NPAS2: variants seen among roughly 807,000 people sequenced by gnomAD.
The protein encoded by NPAS2 is neuronal PAS domain-containing protein 2.
In NPAS2, 23 loss-of-function variants were observed where a neutral mutation model predicts 107.5. The ratio of observed to expected loss-of-function variants is 0.21; its 90% confidence interval spans 0.15 to 0.30. The LOEUF (loss-of-function observed/expected upper bound fraction) is 0.30, where lower values mean the gene tolerates loss of function less well. Ranked by LOEUF, NPAS2 falls within the 10% of genes least tolerant of loss-of-function variation. The pLI is 1.00. For missense variants in NPAS2, 756 were observed against 1,043.3 expected (o/e 0.72, Z 3.79); for synonymous variants, 403 against 417.5 (o/e 0.97, Z 0.42).
At chr2:100,892,605 T>A (rs183469873) in intron 1 of NPAS2, among the ~76,000 whole-genome samples, 1 of 152,306 alleles carries the variant, frequency 6.6e-6, no homozygotes, top group African/African-American at 2.4e-5. Context: ...CGTTTCCAGG[T>A]CAGAGAATGT....
At chr2:100,977,460 G>T (rs945884386) in intron 14 of NPAS2, among the ~76,000 whole-genome samples, 1 of 152,228 alleles carries the variant, frequency 6.6e-6, no homozygotes, top group African/African-American at 2.4e-5. Flanking sequence ...GGCTTGGGCA[G>T]GTAGCAGCAG....
At chr2:100,931,294 G>T (rs184817) in intron 3 of NPAS2, among the ~76,000 whole-genome samples, 2 of 151,956 alleles carry the variant, frequency 1.3e-5, no homozygotes, top group Non-Finnish European at 2.9e-5. Flanking sequence ...ATTACCAAAG[G>T]CTCATAGCAG....
At chr2:100,971,573 G>A (rs1405563790) in intron 12 of NPAS2, among the ~76,000 whole-genome samples, 1 of 152,172 alleles carries the variant, frequency 6.6e-6, no homozygotes, top group Non-Finnish European at 1.5e-5. Context: ...CACTCTCCCT[G>A]TCACCTGTGC....
chr2:100,995,919 C>G lies in NPAS2; in HGVS notation c.*337C>G. 7.1e-7 allele frequency: 1 copy of G among 1,417,200 alleles called. No individual in the cohort carries two copies. The allele number at this position is 1,417,200 out of a possible 1,614,324, so 87.8% of individuals were successfully genotyped here. ...ATCCCCCGAGAGTACACCGGTTGCT[C>G]TAGCCACCTGCGGCCCGCCCATCTG... On this transcript the variant is annotated 3_prime_UTR_variant, in exon 21 of 21. Transcript: ENST00000335681.
At chr2:100,939,080 T>C (rs2104985531) in intron 5 of NPAS2, among the ~76,000 whole-genome samples, 1 of 152,238 alleles carries the variant, frequency 6.6e-6, no homozygotes. Flanking sequence ...TCCATCTGCC[T>C]TGGGGTGATG....
intron 1 of NPAS2, among the ~76,000 whole-genome samples, chr2:100,856,269 A>G (rs1039509098): frequency 6.6e-6 from 1 of 152,202 alleles, no homozygotes; most frequent in African/African-American, 2.4e-5. Context: ...CTGCTTGCTA[A>G]TTAGTAGCCT....
rs1677497529 is a variant in NPAS2 at position 100,982,366 on chromosome 2, T to C, written c.1618T>C (p.Ser540Pro). The change falls in exon 16 of 21, where the codon TCC becomes CCC. Residue 540 changes from serine (S) to proline (P), a missense_variant. Physicochemically the swap from Ser to Pro is moderately conservative, Grantham distance 74. Transcript: ENST00000335681. Reference sequence around the variant, plus strand: ...GGAGCAGCTCTGCCTGGTCCAGGACTCCAACGTCCAGGTGATCCCCTTCCC... The same window carrying C: ...GGAGCAGCTCTGCCTGGTCCAGGACCCCAACGTCCAGGTGATCCCCTTCCC... Reference protein sequence around the residue: ...IQEQLCLVQDSNVQMFLQQPA... With the variant: ...IQEQLCLVQDPNVQMFLQQPA... 6.2e-7 allele frequency: 1 copy of C among 1,613,820 alleles called. No homozygotes were observed. The highest frequency in any genetic ancestry group is 8.5e-7 in the Non-Finnish European group (1 of 1,179,996).
Position 100,993,495 on chromosome 2 carries a change from G to T in NPAS2, c.2260G>T (p.Ala754Ser), listed in dbSNP as rs780841096. The change falls in exon 20 of 21, where the codon GCC becomes TCC. Residue 754 changes from alanine (A) to serine (S), a missense_variant. Physicochemically the swap from Ala to Ser is moderately conservative, Grantham distance 99. Transcript: ENST00000335681. Reference protein sequence around the residue: ...SQPSPLQPAQARQQPPQHYLQ... With the variant: ...SQPSPLQPAQSRQQPPQHYLQ... The stretch of plus-strand genomic sequence containing the variant: ...ACCATCGCCCCTGCAGCCTGCACAG[G>T]CCCGGCAGCAGCCACCGCAGCACTA... The T allele has an allele frequency of 3.8e-6, 6 of 1,597,884 alleles. No individual in the cohort carries two copies. In the East Asian group the frequency reaches 9.1e-5, roughly 24 times the overall value.
intron 1 of NPAS2, among the ~76,000 whole-genome samples, chr2:100,823,168 A>G (rs2104309881): frequency 6.6e-6 from 1 of 152,322 alleles, no homozygotes; most frequent in East Asian, 1.9e-4. Flanking sequence ...GTACTTAACT[A>G]TGAGTAATTC....
At chr2:100,974,996 G>A (rs1313297055) in intron 13 of NPAS2, 52 bp downstream of exon 13, 2 of 1,601,276 alleles carry the variant, frequency 1.2e-6, no homozygotes, top group East Asian at 2.2e-5. Context: ...AGACCAGAGG[G>A]ACAGCCCCAC....
chr2:100,853,305 A>T (rs1427119009), intron 1 of NPAS2, among the ~76,000 whole-genome samples: 1 of 152,236 alleles, frequency 6.6e-6, no homozygotes, highest in Non-Finnish European at 1.5e-5. Flanking sequence ...GAACAGCATC[A>T]TATGTAAATT....
intron 1 of NPAS2, chr2:100,901,662 C>A (rs1348012126): frequency 2.0e-6 from 1 of 495,754 alleles, no homozygotes; most frequent in East Asian, 1.5e-4. Flanking sequence ...TCACTGAAGG[C>A]CGCCTCCTAT....
In NPAS2 at chr2:100,965,300, G is replaced by T. The variant is rs1676150711; in HGVS notation, c.800+357G>T. On this transcript the variant is annotated intron_variant, in intron 9 of 20. Transcript: ENST00000335681. This position sits in a 1 kb window ranked among gnomAD's most constrained non-coding sequence, Gnocchi z 4.3. ...TAGCCCAATCTTTACTGTTTCTTTT[G>T]TAACATTATTTGCAGTTGAAGAACT... Among the ~76,000 whole-genome samples, 1 of 151,906 alleles carries T rather than the reference G, an allele frequency of 6.6e-6. No individual in the cohort carries two copies. Among genetic ancestry groups the T allele is most frequent in the Admixed American group, 6.6e-5 (1 of 15,256 alleles).
At chr2:100,958,751 T>C (rs1410579524) in intron 7 of NPAS2, among the ~76,000 whole-genome samples, 2 of 152,130 alleles carry the variant, frequency 1.3e-5, no homozygotes, top group Admixed American at 1.3e-4. Context: ...GTGTGTGAGA[T>C]ATCCACTTTG....
intron 5 of NPAS2, among the ~76,000 whole-genome samples, chr2:100,946,291 T>C (rs1461585932): frequency 7.0e-6 from 1 of 142,726 alleles, no homozygotes; most frequent in African/African-American, 2.6e-5. Context: ...CGCCTTGCCA[T>C]GTCACCTGAT....
intron 1 of NPAS2, among the ~76,000 whole-genome samples, chr2:100,826,821 G>A (rs532791176): frequency 3.3e-5 from 5 of 152,224 alleles, no homozygotes; most frequent in Admixed American, 1.3e-4. Context: ...GTGTAAGGCC[G>A]CCTTGTCTCC....
chr2:100,945,934 G>A (rs1479068930), intron 5 of NPAS2, among the ~76,000 whole-genome samples: 3 of 152,084 alleles, frequency 2.0e-5, no homozygotes, highest in Non-Finnish European at 2.9e-5. Context: ...TCTTTCAGCT[G>A]GTCAGTTCAG....
At chr2:100,892,477 T>C (rs886442013) in intron 1 of NPAS2, among the ~76,000 whole-genome samples, 1 of 152,172 alleles carries the variant, frequency 6.6e-6, no homozygotes, top group African/African-American at 2.4e-5. Context: ...CATGAGAGTC[T>C]TGTCTTGGTT....
intron 15 of NPAS2, 97 bp downstream of exon 15, chr2:100,977,896 C>T: frequency 9.6e-7 from 1 of 1,044,832 alleles, no homozygotes; most frequent in Non-Finnish European, 1.5e-6. Context: ...CAACCAAGGC[C>T]CTGACGTGGG....
Sources: allele counts gnomAD v4.1 joint callset (sites outside exome capture counted in the v4.1 genomes callset), GRCh38; gene constraint gnomAD v4.1.1; non-coding constraint Gnocchi (gnomAD v3.1); transcripts MANE v1.5; gene names NCBI Gene and HGNC (gene_info 2026-07-23, HGNC 2026-07-21).